SEMA6D: variants seen among roughly 807,000 people sequenced by gnomAD.
SEMA6D encodes semaphorin-6D.
Under a neutral mutation model 106.6 loss-of-function variants are expected in SEMA6D, and 35 were observed. The ratio of observed to expected loss-of-function variants is 0.33; its 90% CI spans 0.25 to 0.44. The LOEUF is 0.44. SEMA6D is among the 20% of genes least tolerant of loss of function. The probability of loss-of-function intolerance (pLI) is 1.00; values close to 1 mark genes in which losing one functional copy is unlikely to be tolerated. For synonymous variants in SEMA6D, 499 were observed against 487.7 expected (o/e 1.02, Z -0.31); for missense variants, 1,185 against 1,345.9 (o/e 0.88, Z 1.87).
At chr15:47,294,990 T>G (rs2035747753) in intron 1 of SEMA6D, among the ~76,000 whole-genome samples, 1 of 152,198 alleles carries the variant, frequency 6.6e-6, no homozygotes, top group African/African-American at 2.4e-5. Context: ...AAGGAATCAT[T>G]AATACCCTTT....
At chr15:47,494,140 T>G (rs1314777418) in intron 3 of SEMA6D, among the ~76,000 whole-genome samples, 1 of 152,158 alleles carries the variant, frequency 6.6e-6, no homozygotes, top group East Asian at 1.9e-4. Flanking sequence ...GTCAACAGTG[T>G]GTACTACCAG....
At chr15:47,583,121 C>T (rs570697470) in intron 3 of SEMA6D, among the ~76,000 whole-genome samples, 1 of 152,134 alleles carries the variant, frequency 6.6e-6, no homozygotes, top group South Asian at 2.1e-4. Flanking sequence ...CTAGGATGTA[C>T]ATCCCTTTGG....
rs933746346 is a variant in SEMA6D at position 47,574,603 on chromosome 15, C to T, written c.-86-26262C>T. 3.3e-5 allele frequency among the ~76,000 whole-genome samples: 5 copies of T among 152,254 alleles called. 1 individual carries two copies. Among genetic ancestry groups the T allele is most frequent in the Admixed American group, 3.3e-4 (5 of 15,294 alleles). On this transcript the variant is annotated intron_variant, in intron 3 of 19. Coordinates refer to the SEMA6D transcript ENST00000558014. ...AAATCCCATTCATGACAAAACAAGG[C>T]ATTTCTAAAGAACAGTTATCTTTTG... is the stretch of plus-strand genomic sequence containing the variant.
chr15:47,428,424 A>C (rs1230405468), intron 2 of SEMA6D, among the ~76,000 whole-genome samples: 1 of 138,524 alleles, frequency 7.2e-6, no homozygotes, highest in East Asian at 2.2e-4. Context: ...AAGAAGTTCT[A>C]AGGATGGAGA....
At chr15:47,252,178 A>C (rs534886076) in intron 1 of SEMA6D, among the ~76,000 whole-genome samples, 2 of 145,378 alleles carry the variant, frequency 1.4e-5, no homozygotes, top group Admixed American at 1.4e-4. Context: ...CGGCCTCCCA[A>C]AGTGCTGGGA....
chr15:47,344,428 T>C (rs2037958149), intron 1 of SEMA6D, among the ~76,000 whole-genome samples: 1 of 152,202 alleles, frequency 6.6e-6, no homozygotes. Flanking sequence ...AGGACAGTGA[T>C]TCCTGAGGGG....
intron 4 of SEMA6D, among the ~76,000 whole-genome samples, chr15:47,621,796 A>G (rs780772079): frequency 2.0e-5 from 3 of 152,214 alleles, no homozygotes; most frequent in Admixed American, 1.3e-4. Flanking sequence ...ACATAATTCA[A>G]TCAATTCCAC....
At chr15:47,235,867 A>G (rs1021815239) in intron 1 of SEMA6D, among the ~76,000 whole-genome samples, 1 of 152,060 alleles carries the variant, frequency 6.6e-6, no homozygotes, top group Non-Finnish European at 1.5e-5. Flanking sequence ...GGTTGGATAA[A>G]TACTGGCCTT....
At chr15:47,539,858 A>G (rs564220622) in intron 3 of SEMA6D, among the ~76,000 whole-genome samples, 1 of 152,246 alleles carries the variant, frequency 6.6e-6, no homozygotes, top group East Asian at 1.9e-4. Flanking sequence ...CTTCTCTATC[A>G]TGATGGAGTT....
intron 1 of SEMA6D, among the ~76,000 whole-genome samples, chr15:47,268,088 C>T (rs1161537568): frequency 1.3e-5 from 2 of 152,064 alleles, no homozygotes; most frequent in African/African-American, 2.4e-5. Flanking sequence ...GAAACAGAAA[C>T]GGCAGTTTAA....
chr15:47,584,770 C>T (rs1490884523), intron 3 of SEMA6D, among the ~76,000 whole-genome samples: 2 of 152,162 alleles, frequency 1.3e-5, no homozygotes, highest in African/African-American at 2.4e-5. Flanking sequence ...GCAAAGCAGC[C>T]TTCTGGGGAT....
At chr15:47,260,365 G>A (rs903724144) in intron 1 of SEMA6D, among the ~76,000 whole-genome samples, 4 of 152,054 alleles carry the variant, frequency 2.6e-5, no homozygotes, top group African/African-American at 9.7e-5. Flanking sequence ...TAACATGCAG[G>A]TTCTGGCCTA....
chr15:47,740,252 G>A (rs187728797), intron 1 of SEMA6D, among the ~76,000 whole-genome samples: 88 of 152,304 alleles, frequency 5.8e-4, no homozygotes, highest in Middle Eastern at 6.8e-3. Context: ...CGGGCGTGGT[G>A]ACTCATGCCT....
At chr15:47,331,993 C>G (rs2037360520) in intron 1 of SEMA6D, among the ~76,000 whole-genome samples, 1 of 152,084 alleles carries the variant, frequency 6.6e-6, no homozygotes, top group African/African-American at 2.4e-5. Context: ...TTCCTAAAAC[C>G]ATGTACAAGT....
intron 1 of SEMA6D, among the ~76,000 whole-genome samples, chr15:47,721,332 AGT>A (rs2079409986): frequency 6.6e-6 from 1 of 152,228 alleles, no homozygotes; most frequent in Non-Finnish European, 1.5e-5. Context: ...TGTACTGTTA[AGT>A]GTAATTCACG....
chr15:47,378,009 G>A (rs1661528447), intron 1 of SEMA6D, among the ~76,000 whole-genome samples: 2 of 152,078 alleles, frequency 1.3e-5, no homozygotes, highest in Admixed American at 6.6e-5. Context: ...TCATGGGAAG[G>A]AAACCTAAAA....
At chr15:47,214,290 CAG>C (rs1270429015) in intron 1 of SEMA6D, among the ~76,000 whole-genome samples, 4 of 151,860 alleles carry the variant, frequency 2.6e-5, no homozygotes, top group Non-Finnish European at 5.9e-5. Flanking sequence ...GTCTTGTTGA[CAG>C]AGAGAAGGGA....
intron 3 of SEMA6D, among the ~76,000 whole-genome samples, chr15:47,515,815 G>A (rs914025520): frequency 1.3e-5 from 2 of 152,196 alleles, no homozygotes; most frequent in African/African-American, 4.8e-5. Flanking sequence ...CAATGAGGCT[G>A]CCTTACGACA....
chr15:47,253,272 C>T (rs139128544), intron 1 of SEMA6D, among the ~76,000 whole-genome samples: 141 of 152,198 alleles, frequency 9.3e-4, no homozygotes, highest in African/African-American at 3.3e-3. Flanking sequence ...CTGTCAGATG[C>T]ATAGTTTGCA....
Sources: allele counts gnomAD v4.1 joint callset (sites outside exome capture counted in the v4.1 genomes callset), GRCh38; gene constraint gnomAD v4.1.1; transcripts MANE v1.5; gene names NCBI Gene and HGNC (gene_info 2026-07-23, HGNC 2026-07-21).